Variants in TENM3 observed in about 807,000 individuals in gnomAD.
The protein encoded by TENM3 is teneurin transmembrane protein 3, also known as teneurin-3.
TENM3 carries 63 observed loss-of-function variants against 255.1 expected under a neutral mutation model. That is an observed-to-expected ratio of 0.25 (90% CI 0.20 to 0.30). The LOEUF is 0.30. Ranked by LOEUF, TENM3 falls within the 10% of genes least tolerant of loss-of-function variation. The pLI is 1.00. For synonymous variants in TENM3, 1,306 were observed against 1,322.3 expected, an observed-to-expected ratio of 0.99 and a Z score of 0.27; for missense variants, 2,929 against 3,461.1, an observed-to-expected ratio of 0.85 and a Z score of 3.86.
chr4:182,537,696 T>A (rs1740476064), intron 3 of TENM3, among the ~76,000 whole-genome samples: 1 of 152,202 alleles, frequency 6.6e-6, no homozygotes, highest in Non-Finnish European at 1.5e-5. Context: ...TAATTCTACA[T>A]TTTCCACATG....
the TENM3 span, among the ~76,000 whole-genome samples, chr4:181,692,742 G>A: frequency 6.6e-6 from 1 of 152,120 alleles, no homozygotes; most frequent in Non-Finnish European, 1.5e-5. Flanking sequence ...GGTACAGGAT[G>A]GTATGCGGGG....
At chr4:181,883,184 G>A in the TENM3 span, among the ~76,000 whole-genome samples, 1 of 124,602 alleles carries the variant, frequency 8.0e-6, no homozygotes, top group African/African-American at 3.1e-5. Flanking sequence ...GAAATGACGG[G>A]TAAAAAAGCT....
chr4:181,765,173 A>G, the TENM3 span, among the ~76,000 whole-genome samples: 1 of 152,142 alleles, frequency 6.6e-6, no homozygotes, highest in Non-Finnish European at 1.5e-5. Context: ...ACAAATTTCT[A>G]TTTTGTCCTG....
At chr4:182,167,547 T>C (rs1411353979) in intron 1 of TENM3, among the ~76,000 whole-genome samples, 1 of 152,174 alleles carries the variant, frequency 6.6e-6, no homozygotes, top group African/African-American at 2.4e-5. Flanking sequence ...TGTGTAGACC[T>C]GAGTCTTAAA....
chr4:181,448,424 G>T, the TENM3 span, among the ~76,000 whole-genome samples: 54 of 152,020 alleles, frequency 3.6e-4, no homozygotes, highest in African/African-American at 1.3e-3. Flanking sequence ...GCCCGCCTCG[G>T]CCTCCCAAAG....
At chr4:182,051,937 G>A in the TENM3 span, among the ~76,000 whole-genome samples, 1 of 152,026 alleles carries the variant, frequency 6.6e-6, no homozygotes, top group East Asian at 1.9e-4. Flanking sequence ...GTATAGCTCG[G>A]TGTTTTCAAA....
the TENM3 span, among the ~76,000 whole-genome samples, chr4:181,944,815 T>A: frequency 1.3e-5 from 2 of 151,910 alleles, no homozygotes; most frequent in Non-Finnish European, 2.9e-5. Context: ...ACAGACACCA[T>A]CCTGTCATTG....
chr4:182,124,946 C>CCTTCCATCTCGATGATCACATCAA, the TENM3 span, among the ~76,000 whole-genome samples: 1 of 148,252 alleles, frequency 6.7e-6, no homozygotes, highest in Admixed American at 6.6e-5. Context: ...GCTACTCGCC[C>CCTTCCATCTCGATGATCACATCAA]CTGCTGGGAT....
At chr4:182,050,001 A>AAT in the TENM3 span, among the ~76,000 whole-genome samples, 1 of 150,620 alleles carries the variant, frequency 6.6e-6, no homozygotes, top group Non-Finnish European at 1.5e-5. Context: ...TTAAAAAAAA[A>AAT]TTTTTTTTTG....
the TENM3 span, among the ~76,000 whole-genome samples, chr4:181,610,014 G>T: frequency 2.0e-5 from 3 of 152,056 alleles, no homozygotes; most frequent in African/African-American, 7.3e-5. Flanking sequence ...TCCTGTCTTC[G>T]TAAAGTAACA....
chr4:181,673,072 A>T, the TENM3 span, among the ~76,000 whole-genome samples: 2 of 152,216 alleles, frequency 1.3e-5, no homozygotes, highest in African/African-American at 2.4e-5. Context: ...AAAAGCTAGA[A>T]CTAGGACCCT....
chr4:182,417,332 C>T (rs1172326404), intron 3 of TENM3, among the ~76,000 whole-genome samples: 1 of 151,906 alleles, frequency 6.6e-6, no homozygotes, highest in Non-Finnish European at 1.5e-5. Context: ...CATTTTGGAC[C>T]TTGTTTCTCA....
At chr4:181,924,420 A>C in the TENM3 span, among the ~76,000 whole-genome samples, 1 of 152,188 alleles carries the variant, frequency 6.6e-6, no homozygotes, top group Non-Finnish European at 1.5e-5. Flanking sequence ...ATGCAGGGTG[A>C]AATCTCAGAC....
chr4:181,970,115 T>A, the TENM3 span, among the ~76,000 whole-genome samples: 1 of 152,252 alleles, frequency 6.6e-6, no homozygotes, highest in African/African-American at 2.4e-5. Context: ...ATCTCAAATA[T>A]TTGTTTATTG....
chr4:182,623,348 G>A (rs557396752), intron 4 of TENM3, among the ~76,000 whole-genome samples: 31 of 150,030 alleles, frequency 2.1e-4, no homozygotes, highest in African/African-American at 7.6e-4. Flanking sequence ...CTGTCACCAG[G>A]CTGGAATGCA....
chr4:182,686,270 A>C (rs1246166904), intron 11 of TENM3, among the ~76,000 whole-genome samples: 1 of 152,064 alleles, frequency 6.6e-6, no homozygotes, highest in African/African-American at 2.4e-5. Context: ...CCACAAAAAG[A>C]CAGAAAACTT....
chr4:182,301,949 G>T (rs1488245324), intron 1 of TENM3, among the ~76,000 whole-genome samples: 1 of 152,118 alleles, frequency 6.6e-6, no homozygotes, highest in Non-Finnish European at 1.5e-5. Context: ...ACACGCTCGG[G>T]TGCCTTCTGG....
At chr4:182,610,958 G>T (rs1317903861) in intron 4 of TENM3, among the ~76,000 whole-genome samples, 3 of 150,856 alleles carry the variant, frequency 2.0e-5, no homozygotes, top group Non-Finnish European at 4.4e-5. Context: ...TGTTGAACAG[G>T]CTGGTCTCAA....
intron 13 of TENM3, among the ~76,000 whole-genome samples, chr4:182,719,921 C>A (rs193267949): frequency 6.6e-6 from 1 of 151,882 alleles, no homozygotes; most frequent in Non-Finnish European, 1.5e-5. Context: ...ATCAGGCAGG[C>A]GTGGTGGCAC....
Sources: gnomAD v4.1 joint callset for allele counts (sites outside exome capture counted in the v4.1 genomes callset) on GRCh38, gnomAD v4.1.1 for gene constraint, MANE v1.5 for transcripts, NCBI Gene and HGNC (gene_info 2026-07-23, HGNC 2026-07-21) for gene names.